The following ING5 variants were observed in gnomAD, a reference collection of about 807,000 sequenced individuals.
The protein encoded by ING5 is inhibitor of growth family member 5, also known as inhibitor of growth protein 5.
Under a neutral mutation model 37.4 loss-of-function variants are expected in ING5, and 17 were observed. The observed-to-expected ratio is 0.45, with a 90% CI of 0.31 to 0.68. ING5 has a LOEUF of 0.68. Among genes scored for constraint, ING5 ranks in the 30% least tolerant of loss-of-function variants. ING5 has a pLI of 0.05. For synonymous variants in ING5, 123 were observed against 116.6 expected, an observed-to-expected ratio of 1.06 and a Z score of -0.36; for missense variants, 233 against 311.9, an observed-to-expected ratio of 0.75 and a Z score of 1.91.
chr2:241,690,452 G>T (rs535624991), exon 2 of ING5: 40 of 393,712 alleles, frequency 1.0e-4, no homozygotes, highest in Non-Finnish European at 1.6e-4. Context: ...CAGTTCTCTT[G>T]GTGTTCCTGC....
chr2:241,717,795 G>A (rs1575136690), intron 5 of ING5, among the ~76,000 whole-genome samples: 1 of 151,592 alleles, frequency 6.6e-6, no homozygotes, highest in South Asian at 2.1e-4. Context: ...TATTTTGCGT[G>A]GAACTTGTTG....
At chr2:241,717,696 C>CT (rs371435124) in intron 5 of ING5, among the ~76,000 whole-genome samples, 2,515 of 134,472 alleles carry the variant, frequency 0.019, 70 homozygotes, top group African/African-American at 0.06. Context: ...TTGGTGGTTT[C>CT]TTTTTTTTTT....
At position 241,711,505 on chromosome 2, in the gene ING5, T is replaced by G; in HGVS notation, c.388+17T>G. ...GGTTAAAAAGCAAGTCTGTTAATTTTTTTTCTTTATTTTATTACTGTTAAC... is the reference window on the plus strand; with the variant it reads ...GGTTAAAAAGCAAGTCTGTTAATTTGTTTTCTTTATTTTATTACTGTTAAC... On this transcript the variant is annotated intron_variant, in intron 4 of 7. Transcript: ENST00000313552. The G allele has an allele frequency of 7.8e-6, 12 of 1,538,214 alleles. No individual in the cohort carries two copies. Among genetic ancestry groups the G allele is most frequent in the Non-Finnish European group, 9.7e-6 (11 of 1,129,320 alleles).
At chr2:241,705,913 T>C (rs1001656839) in intron 2 of ING5, among the ~76,000 whole-genome samples, 4 of 152,120 alleles carry the variant, frequency 2.6e-5, no homozygotes, top group Non-Finnish European at 5.9e-5. Context: ...GGGACTTCCA[T>C]TGGGCAGCTG....
intron 5 of ING5, among the ~76,000 whole-genome samples, chr2:241,718,799 C>T (rs2070350200): frequency 2.0e-5 from 3 of 152,144 alleles, no homozygotes; most frequent in East Asian, 1.9e-4. Flanking sequence ...CCTGTAATCT[C>T]AGCACTTTGG....
chr2:241,695,556 C>T (rs956461963), intron 2 of ING5, among the ~76,000 whole-genome samples: 3 of 152,108 alleles, frequency 2.0e-5, no homozygotes, highest in African/African-American at 2.4e-5. Context: ...CATGATGGCA[C>T]GCGCCTGTAG....
intron 1 of ING5, 76 bp downstream of exon 1, chr2:241,702,178 A>G: frequency 1.1e-6 from 1 of 895,358 alleles, no homozygotes; most frequent in South Asian, 4.9e-5. Context: ...CGCGCCGGGC[A>G]CCGCATGCAG....
rs971124723 is a variant in ING5 at position 241,721,791 on chromosome 2, C to T, written c.483-1148C>T. The T allele has an allele frequency of 1.6e-5, 16 of 985,254 alleles. No individual in the cohort carries two copies. The South Asian group carries it at 3.3e-4, about 20-fold the overall frequency. The allele number at this position is 985,254 out of a possible 1,614,324, so 61.0% of individuals were successfully genotyped here. A position where few individuals can be genotyped will look rare whatever the true frequency, so the allele number is the denominator to read the frequency against. On this transcript the variant is annotated intron_variant, in intron 5 of 7. Transcript: ENST00000313552. Reference sequence around the variant, plus strand: ...TTTGAAAAATACTGAAATATAAAAGCGTAAATTTCCCCCTAAGTGCATCCC... The same window carrying T: ...TTTGAAAAATACTGAAATATAAAAGTGTAAATTTCCCCCTAAGTGCATCCC...
chr2:241,725,190 G>A lies in ING5; in HGVS notation c.*159G>A. 1.3e-6 allele frequency: 1 copy of A among 789,856 alleles called. No homozygotes were observed. The highest frequency in any genetic ancestry group is 2.1e-6 in the Non-Finnish European group (1 of 473,638). 48.9% of individuals were successfully genotyped at this position (789,856 alleles called of 1,614,324 possible). On this transcript the variant is annotated 3_prime_UTR_variant, in exon 8 of 8. Coordinates refer to ENST00000313552, the MANE Select transcript of ING5 (RefSeq NM_032329.6). Reference sequence around the variant, plus strand: ...GTTTCCTAGAACAAGAACCACCAAAGCCTGTTCGCACAGAAGGGCGACCTT... The same window carrying A: ...GTTTCCTAGAACAAGAACCACCAAAACCTGTTCGCACAGAAGGGCGACCTT...
At chr2:241,706,370 CT>C (rs1447435879) in intron 2 of ING5, among the ~76,000 whole-genome samples, 2 of 152,016 alleles carry the variant, frequency 1.3e-5, no homozygotes, top group African/African-American at 4.8e-5. Flanking sequence ...TGGCTCATGC[CT>C]GTAATCCCAG....
At chr2:241,708,357 G>A (rs569676719) in intron 2 of ING5, among the ~76,000 whole-genome samples, 11 of 151,550 alleles carry the variant, frequency 7.3e-5, no homozygotes, top group Admixed American at 2.6e-4. Flanking sequence ...ATAGGCACCC[G>A]CCACCACGCC....
At chr2:241,724,912 T>C (rs1014739398) in intron 7 of ING5, 77 bp from the exon 8 acceptor site, 3 of 1,475,990 alleles carry the variant, frequency 2.0e-6, no homozygotes, top group Non-Finnish European at 2.8e-6. Flanking sequence ...CTGGGAGACA[T>C]GGGGAGGCGG....
intron 5 of ING5, among the ~76,000 whole-genome samples, chr2:241,713,370 T>G (rs2070176541): frequency 1.4e-5 from 2 of 141,224 alleles, no homozygotes; most frequent in East Asian, 2.1e-4. Context: ...ATTTTCAGTT[T>G]TTTTTTTTTT....
chr2:241,704,476 G>A (rs576098240), intron 1 of ING5, among the ~76,000 whole-genome samples, 177 bp from the exon 2 acceptor site: 1 of 152,260 alleles, frequency 6.6e-6, no homozygotes, highest in Admixed American at 6.5e-5. Context: ...GCGGAGGCGT[G>A]AGAATCACTT....
At chr2:241,699,038 T>TTG (rs1553580196), upstream of ING5, among the ~76,000 whole-genome samples, 3 of 139,046 alleles carry the variant, frequency 2.2e-5, no homozygotes, top group African/African-American at 9.1e-5. Context: ...AATTTTTTTT[T>TTG]GGGGGGGGAG....
In ING5 at chr2:241,723,008, C is replaced by T. The variant is rs537761072; in HGVS notation, c.552C>T (p.Asn184=). 8.4e-5 allele frequency: 136 copies of T among 1,614,214 alleles called. 2 individuals are homozygous for T. In the South Asian group the frequency reaches 1.4e-3, roughly 16 times the overall value. ...SDVLDMPVDP[N]EPTYCLCHQV... ...TGCTGGACATGCCCGTGGACCCAAA[C>T]GAACCCACGTACTGCCTGTGCCACC... Residue 184 remains asparagine, a synonymous_variant, in exon 6 of 8, where the codon AAC becomes AAT. Coordinates refer to ENST00000313552, the MANE Select transcript of ING5 (RefSeq NM_032329.6).
chr2:241,704,490 C>T (rs2069842728), intron 1 of ING5, among the ~76,000 whole-genome samples, 163 bp from the exon 2 acceptor site: 2 of 152,252 alleles, frequency 1.3e-5, no homozygotes, highest in African/African-American at 2.4e-5. Context: ...ATCACTTGAA[C>T]CTGGGAGGTG....
intron 7 of ING5, among the ~76,000 whole-genome samples, chr2:241,724,245 C>T (rs560046521): frequency 5.3e-5 from 8 of 152,204 alleles, no homozygotes; most frequent in South Asian, 2.1e-4. Flanking sequence ...GGAGGCTGGC[C>T]GAGCTCACGG....
intron 5 of ING5, chr2:241,721,804 CT>C (rs1372780437): frequency 2.0e-6 from 2 of 985,382 alleles, no homozygotes; most frequent in South Asian, 4.7e-5. Context: ...AAATTTCCCC[CT>C]AAGTGCATCC....
Sources: allele counts gnomAD v4.1 joint callset (sites outside exome capture counted in the v4.1 genomes callset), GRCh38; gene constraint gnomAD v4.1.1; transcripts MANE v1.5; gene names NCBI Gene and HGNC (gene_info 2026-07-23, HGNC 2026-07-21).